Variants in COCH observed in about 807,000 individuals in gnomAD.
COCH encodes coagulation factor C homolog, cochlin (Limulus polyphemus).
In COCH, 40 loss-of-function variants were observed where a neutral mutation model predicts 54.8. The ratio of observed to expected loss-of-function variants is 0.73; its 90% CI spans 0.57 to 0.95. The LOEUF (loss-of-function observed/expected upper bound fraction) is 0.95, where lower values mean the gene tolerates loss of function less well. Ranked by LOEUF, COCH falls within the 40% of genes least tolerant of loss-of-function variation. The pLI is 0.00. For synonymous variants in COCH, 256 were observed against 237.9 expected, an observed-to-expected ratio of 1.08 and a Z score of -0.70; for missense variants, 605 against 675.0, an observed-to-expected ratio of 0.90 and a Z score of 1.15.
intron 9 of COCH, 186 bp from the exon 10 acceptor site, chr14:30,885,208 T>C: frequency 9.8e-7 from 1 of 1,022,252 alleles, no homozygotes; most frequent in Non-Finnish European, 1.4e-6. Flanking sequence ...TGGTAGATAA[T>C]TAAACTTTCC....
intron 8 of COCH, among the ~76,000 whole-genome samples, chr14:30,882,119 G>GTT (rs1566410309): frequency 1.2e-5 from 1 of 84,870 alleles, no homozygotes; most frequent in Admixed American, 1.1e-4. Flanking sequence ...ACTATAAAAT[G>GTT]GTTTTTTTTT....
At chr14:30,895,184 G>T, downstream of COCH, 1 of 518,078 alleles carries the variant, frequency 1.9e-6, no homozygotes, top group Non-Finnish European at 3.3e-6. Context: ...TCCAGTACAG[G>T]CCACAAATAC....
chr14:30,881,231 G>GA (rs915670940), intron 8 of COCH, among the ~76,000 whole-genome samples: 1 of 138,530 alleles, frequency 7.2e-6, no homozygotes, highest in African/African-American at 2.7e-5. Context: ...AAAAAAAAAA[G>GA]AAAAAAATCA....
intron 6 of COCH, among the ~76,000 whole-genome samples, chr14:30,879,935 T>A (rs1449130007): frequency 6.6e-6 from 1 of 152,160 alleles, no homozygotes; most frequent in African/African-American, 2.4e-5. Flanking sequence ...AGTTCAGGGA[T>A]TACAGGCATG....
At position 30,890,445 on chromosome 14, in the gene COCH, TATATAG is replaced by T. The variant is rs1404966068; in HGVS notation, c.*660_*665del. The T allele has an allele frequency of 1.0e-6, 1 of 954,240 alleles. No homozygotes were observed. The highest frequency in any genetic ancestry group is 1.2e-4 in the East Asian group (1 of 8,682). 59.1% of individuals were successfully genotyped at this position (954,240 alleles called of 1,614,324 possible). A position where few individuals can be genotyped will look rare whatever the true frequency, so the allele number is the denominator to read the frequency against. The stretch of plus-strand genomic sequence containing the variant: ...CTATTTCTCTCCTTAATTTTATATG[TATATAG>T]ATATATTTGGCTTATATTCTAAGTC... On this transcript the variant is annotated 3_prime_UTR_variant, in exon 12 of 12. Coordinates refer to ENST00000396618, the MANE Select transcript of COCH (RefSeq NM_004086.3).
At chr14:30,891,392 T>C (rs551764588), downstream of COCH, among the ~76,000 whole-genome samples, 1 of 152,302 alleles carries the variant, frequency 6.6e-6, no homozygotes, top group Admixed American at 6.5e-5. Flanking sequence ...GTTAGAATAA[T>C]ATACTCCAGT....
In COCH at chr14:30,874,833, A is replaced by T. The variant is rs11555426; in HGVS notation, c.-23-83A>T. 4.5e-6 allele frequency: 6 copies of T among 1,326,494 alleles called. No homozygotes were observed. In the African/African-American group the frequency reaches 8.7e-5, roughly 19 times the overall value. The allele number at this position is 1,326,494 out of a possible 1,614,324, so 82.2% of individuals were successfully genotyped here. ...TCTCTCCTCTGCGCCGCGCCCGGGG[A>T]TCCGAAGGGTGCGGGGCTCTGAGGA... On this transcript the variant is annotated intron_variant, in intron 1 of 11. Transcript: ENST00000396618.
intron 8 of COCH, among the ~76,000 whole-genome samples, chr14:30,881,759 C>T (rs1267788670): frequency 6.6e-6 from 1 of 151,552 alleles, no homozygotes; most frequent in Non-Finnish European, 1.5e-5. Context: ...GAGATTGAGA[C>T]CATCCTGGCT....
rs1255307057 is a variant in COCH, at chr14:30,886,147, C to T, written c.1312C>T (p.Arg438Cys). Reference protein sequence around the residue: ...ENVLAVIRNIRYMSGGTATGD... With the variant: ...ENVLAVIRNICYMSGGTATGD... ...TGTCCTAGCTGTCATCAGAAACATC[C>T]GCTATATGAGTGGTGGAACAGCTAC... The change falls in exon 11 of 12, where the codon CGC becomes TGC. Residue 438 changes from arginine to cysteine, a missense_variant. Coordinates refer to ENST00000396618, the MANE Select transcript of COCH (RefSeq NM_004086.3). 4 of 1,612,362 alleles carry T rather than the reference C, an allele frequency of 2.5e-6. No homozygotes were observed. Among genetic ancestry groups the T allele is most frequent in the Admixed American group, 1.7e-5 (1 of 59,960 alleles).
chr14:30,879,048 T>C, intron 5 of COCH, 104 bp downstream of exon 5: 1 of 1,504,728 alleles, frequency 6.6e-7, no homozygotes. Flanking sequence ...AAACCTGTGA[T>C]CAAGACTAAA....
downstream of COCH, among the ~76,000 whole-genome samples, chr14:30,891,775 A>G: frequency 6.6e-6 from 1 of 152,204 alleles, no homozygotes; most frequent in East Asian, 1.9e-4. Flanking sequence ...CCAAGTTTTG[A>G]GTCACCTGAA....
chr14:30,891,841 TAATTATGTAAGTAA>T (rs1895989428), downstream of COCH, among the ~76,000 whole-genome samples: 2 of 152,204 alleles, frequency 1.3e-5, no homozygotes, highest in Non-Finnish European at 2.9e-5. Flanking sequence ...TTACTATCAA[TAATTATGTAAGTAA>T]ACATAATCAG....
rs1158632066 is a variant in COCH, at chr14:30,874,689, G to T, written c.-24+98G>T. The T allele has an allele frequency of 6.7e-6, 4 of 594,522 alleles. No homozygotes were observed. In the East Asian group the frequency reaches 1.1e-4, roughly 17 times the overall value. The allele number at this position is 594,522 out of a possible 1,614,324, so 36.8% of individuals were successfully genotyped here. The stretch of plus-strand genomic sequence containing the variant: ...CCAGCCTGTCTGTCGTCGTTTTGGC[G>T]CCCCCGCCTCCCCGCGGTGCGGGGT... On this transcript the variant is annotated intron_variant, in intron 1 of 11. Coordinates refer to ENST00000396618, the MANE Select transcript of COCH (RefSeq NM_004086.3).
At chr14:30,879,613 A>G in intron 6 of COCH, 128 bp downstream of exon 6, 1 of 875,884 alleles carries the variant, frequency 1.1e-6, no homozygotes, top group Non-Finnish European at 1.9e-6. Context: ...AAATACCTTA[A>G]GTTTACTGGT....
chr14:30,877,546 T>C lies in COCH; in HGVS notation c.83-26T>C, dbSNP rs934844933. On this transcript the variant is annotated intron_variant, in intron 3 of 11. Coordinates refer to ENST00000396618, the MANE Select transcript of COCH (RefSeq NM_004086.3). This position sits in a 1 kb window ranked among gnomAD's most constrained non-coding sequence, Gnocchi z 8.6. ...TGCCCCAAGAAGTCCTAAGAATGCT[T>C]ACAATATTATCTCCTTTTTCTTCAG... 10 of 1,613,222 alleles carry C rather than the reference T, an allele frequency of 6.2e-6. No individual in the cohort carries two copies. Among genetic ancestry groups the C allele is most frequent in the Non-Finnish European group, 8.5e-6 (10 of 1,179,978 alleles).
At chr14:30,878,164 G>C (rs968907688) in intron 4 of COCH, among the ~76,000 whole-genome samples, 2 of 152,176 alleles carry the variant, frequency 1.3e-5, no homozygotes, top group Admixed American at 6.5e-5. Flanking sequence ...TAGTAGAATA[G>C]CCAGTATAAT....
downstream of COCH, chr14:30,895,177 A>C (rs966415356): frequency 2.0e-6 from 1 of 494,368 alleles, no homozygotes; most frequent in African/African-American, 1.9e-5. Context: ...GTTCACATCC[A>C]GTACAGGCCA....
intron 4 of COCH, among the ~76,000 whole-genome samples, chr14:30,878,483 C>T (rs567319986): frequency 1.5e-4 from 23 of 152,084 alleles, no homozygotes; most frequent in Middle Eastern, 3.4e-3. Context: ...ATGGTGAAAC[C>T]CTGTCTCTAC....
chr14:30,876,752 A>G (rs1324292650), intron 3 of COCH, among the ~76,000 whole-genome samples: 2 of 152,176 alleles, frequency 1.3e-5, no homozygotes, highest in Non-Finnish European at 2.9e-5. Flanking sequence ...TACTATCTTT[A>G]CCTCAAGCAA....
Sources: gnomAD v4.1 joint callset for allele counts (sites outside exome capture counted in the v4.1 genomes callset) on GRCh38, gnomAD v4.1.1 for gene constraint, Gnocchi (gnomAD v3.1) non-coding constraint, MANE v1.5 for transcripts, NCBI Gene and HGNC (gene_info 2026-07-23, HGNC 2026-07-21) for gene names.